Variants in SDCCAG8 observed in about 807,000 individuals in gnomAD.
SDCCAG8 encodes the protein serologically defined colon cancer antigen 8.
In SDCCAG8, 74 loss-of-function variants were observed where a neutral mutation model predicts 101.8. That is an observed-to-expected ratio of 0.73 (90% confidence interval 0.60 to 0.88). SDCCAG8 has a LOEUF of 0.88. Ranked by LOEUF, SDCCAG8 falls within the 40% of genes least tolerant of loss-of-function variation. The pLI is 0.00. For synonymous variants in SDCCAG8, 281 were observed against 292.9 expected, an observed-to-expected ratio of 0.96 and a Z score of 0.41; for missense variants, 787 against 822.6, an observed-to-expected ratio of 0.96 and a Z score of 0.53.
chr1:243,464,238 G>A (rs771005660), intron 16 of SDCCAG8, among the ~76,000 whole-genome samples: 5 of 152,072 alleles, frequency 3.3e-5, no homozygotes, highest in African/African-American at 9.7e-5. Context: ...AATTGTTTTC[G>A]GGGAGCTTAC....
At chr1:243,306,965 G>A (rs188756580) in intron 7 of SDCCAG8, among the ~76,000 whole-genome samples, 3 of 151,960 alleles carry the variant, frequency 2.0e-5, no homozygotes, top group South Asian at 2.1e-4. Flanking sequence ...GCACCTGAGC[G>A]TGGAGACTTT....
intron 11 of SDCCAG8, 106 bp from the exon 12 acceptor site, chr1:243,344,109 G>C: frequency 1.1e-6 from 1 of 877,158 alleles, no homozygotes; most frequent in Non-Finnish European, 1.9e-6. Flanking sequence ...GAAAAGTTTT[G>C]TTGTATTTTA....
In SDCCAG8 at chr1:243,316,712, G is replaced by A. The variant is rs143807801; in HGVS notation, c.930-43G>A. The A allele has an allele frequency of 2.6e-4, 417 of 1,613,020 alleles. 2 individuals are homozygous for A. In the African/African-American group the frequency reaches 4.7e-3, roughly 18 times the overall value. The stretch of plus-strand genomic sequence containing the variant: ...CTCCCTGACTTATGAGGACAGGATC[G>A]TTTGATCATTTCTTGTTTTGAATGT... On this transcript the variant is annotated intron_variant, in intron 8 of 17. Coordinates refer to ENST00000366541, the MANE Select transcript of SDCCAG8 (RefSeq NM_006642.5).
intron 13 of SDCCAG8, among the ~76,000 whole-genome samples, chr1:243,402,537 A>G (rs1234809930): frequency 1.3e-5 from 2 of 152,186 alleles, no homozygotes; most frequent in Non-Finnish European, 1.5e-5. Context: ...ACGTATTTTA[A>G]ATTTTTTTCC....
chr1:243,267,510 G>A (rs1418051013), intron 1 of SDCCAG8: 1 of 385,908 alleles, frequency 2.6e-6, no homozygotes, highest in African/African-American at 2.1e-5. Context: ...GCTGAGGCAG[G>A]AGAATCGCTT....
rs540729069 is a variant in SDCCAG8 at position 243,458,863 on chromosome 1, C to T, written c.1986-30151C>T. Among the ~76,000 whole-genome samples, 10 of 152,336 alleles carry T rather than the reference C, an allele frequency of 6.6e-5. No homozygotes were observed. In the South Asian group the frequency reaches 1.2e-3, roughly 19 times the overall value. ...ACTGCCACTGTTTTCCTACAAGGGA[C>T]GTCTGATCAGTTTCTGAATTGAGTC... On this transcript the variant is annotated intron_variant, in intron 16 of 17. Coordinates refer to ENST00000366541, the MANE Select transcript of SDCCAG8 (RefSeq NM_006642.5). The surrounding 1 kb of genome is among the most constrained non-coding windows in gnomAD (Gnocchi z 4.5).
intron 16 of SDCCAG8, among the ~76,000 whole-genome samples, chr1:243,471,127 C>T (rs1661183971): frequency 6.6e-6 from 1 of 152,072 alleles, no homozygotes. Flanking sequence ...CAGGCTTCTG[C>T]CAACCATATG....
At chr1:243,461,864 A>C (rs1429545210) in intron 16 of SDCCAG8, among the ~76,000 whole-genome samples, 1 of 152,048 alleles carries the variant, frequency 6.6e-6, no homozygotes, top group African/African-American at 2.4e-5. Context: ...GCCCTCACAC[A>C]CATATTTACT....
chr1:243,476,999 T>TGC, intron 16 of SDCCAG8, among the ~76,000 whole-genome samples: 1 of 102,324 alleles, frequency 9.8e-6, no homozygotes, highest in South Asian at 3.1e-4. Flanking sequence ...ACTGGTTCTG[T>TGC]ACACACACAC....
chr1:243,269,839 C>G (rs10926979), intron 1 of SDCCAG8, among the ~76,000 whole-genome samples: 44,569 of 151,910 alleles, frequency 0.29, 6,771 homozygotes, highest in South Asian at 0.52. Flanking sequence ...TCATTTAATC[C>G]TTGCCGGTGG....
chr1:243,307,308 C>G (rs2072250135), intron 7 of SDCCAG8: 1 of 566,172 alleles, frequency 1.8e-6, no homozygotes, highest in African/African-American at 2.1e-5. Flanking sequence ...CTTTCTTTAG[C>G]AGCCTGTATG....
At chr1:243,446,113 G>A (rs1487416664) in intron 16 of SDCCAG8, among the ~76,000 whole-genome samples, 1 of 152,150 alleles carries the variant, frequency 6.6e-6, no homozygotes, top group East Asian at 1.9e-4. Flanking sequence ...GAAAAGGAAA[G>A]GGTTAGTTGT....
chr1:243,343,008 T>C (rs1199868675), intron 11 of SDCCAG8, among the ~76,000 whole-genome samples: 1 of 152,172 alleles, frequency 6.6e-6, no homozygotes, highest in South Asian at 2.1e-4. Flanking sequence ...TGGAGTGCAG[T>C]AGCTATTCAC....
chr1:243,436,728 C>A (rs1241706580), intron 16 of SDCCAG8, among the ~76,000 whole-genome samples: 1 of 152,112 alleles, frequency 6.6e-6, no homozygotes, highest in Non-Finnish European at 1.5e-5. Flanking sequence ...CATCTATAAC[C>A]TGCCAATTTT....
rs545581768 is a variant in SDCCAG8, at chr1:243,468,843, A to G, written c.1986-20171A>G. Among the ~76,000 whole-genome samples, 40 of 152,368 alleles carry G rather than the reference A, an allele frequency of 2.6e-4. 1 individual carries two copies. Among genetic ancestry groups the G allele is most frequent in the African/African-American group, 9.1e-4 (38 of 41,592 alleles). On this transcript the variant is annotated intron_variant, in intron 16 of 17. Coordinates refer to ENST00000366541, the MANE Select transcript of SDCCAG8 (RefSeq NM_006642.5). ...ATTAGATAGAAGAAATACTTCCTACATAACAGAGCTGGGTTTCAGAGTTGA... is the reference window on the plus strand; with the variant it reads ...ATTAGATAGAAGAAATACTTCCTACGTAACAGAGCTGGGTTTCAGAGTTGA...
At chr1:243,314,670 T>C (rs936431864) in intron 8 of SDCCAG8, among the ~76,000 whole-genome samples, 3 of 152,232 alleles carry the variant, frequency 2.0e-5, no homozygotes, top group African/African-American at 7.2e-5. Flanking sequence ...TTTATCCTGT[T>C]GTGGATCTGT....
chr1:243,475,472 A>G (rs1372911438), intron 16 of SDCCAG8, among the ~76,000 whole-genome samples: 1 of 152,074 alleles, frequency 6.6e-6, no homozygotes, highest in East Asian at 1.9e-4. Context: ...CCTCTTACTC[A>G]GGAAATCTTA....
chr1:243,330,456 A>G, intron 9 of SDCCAG8, 84 bp from the exon 10 acceptor site: 1 of 1,410,280 alleles, frequency 7.1e-7, no homozygotes, highest in South Asian at 1.2e-5. Flanking sequence ...GCTATTTTAA[A>G]TATACTTAAA....
At chr1:243,340,088 C>T (rs2490398) in intron 10 of SDCCAG8, among the ~76,000 whole-genome samples, 142,020 of 152,262 alleles carry the variant, frequency 0.93, 67,026 homozygotes, top group East Asian at 1. Flanking sequence ...GAACCTAATA[C>T]CCATAGAGTC....
Sources: gnomAD v4.1 joint callset for allele counts (sites outside exome capture counted in the v4.1 genomes callset) on GRCh38, gnomAD v4.1.1 for gene constraint, Gnocchi (gnomAD v3.1) non-coding constraint, MANE v1.5 for transcripts, NCBI Gene and HGNC (gene_info 2026-07-23, HGNC 2026-07-21) for gene names.